XXYLT1: variants seen among roughly 807,000 people sequenced by gnomAD.
XXYLT1 encodes xyloside xylosyltransferase 1, also known as UDP-xylose:alpha-xyloside alpha-1,3-xylosyltransferase.
In XXYLT1, 20 loss-of-function variants were observed where a neutral mutation model predicts 28.9. That is an observed-to-expected ratio of 0.69 (90% CI 0.49 to 1.00). XXYLT1 has a LOEUF of 1.00. Ranked by LOEUF, XXYLT1 falls within the 50% of genes least tolerant of loss-of-function variation. The probability of loss-of-function intolerance (pLI) is 0.00; values close to 1 mark genes in which losing one functional copy is unlikely to be tolerated. For missense variants in XXYLT1, 542 were observed against 560.1 expected, an observed-to-expected ratio of 0.97 and a Z score of 0.33; for synonymous variants, 257 against 253.8, an observed-to-expected ratio of 1.01 and a Z score of -0.12.
intron 1 of XXYLT1, among the ~76,000 whole-genome samples, chr3:195,228,173 AATCACCACCTC>A (rs1302656762): frequency 2.6e-5 from 4 of 152,138 alleles, no homozygotes; most frequent in Non-Finnish European, 4.4e-5. Flanking sequence ...CTAGCTGCTC[AATCACCACCTC>A]ATCAACTCCG....
chr3:195,135,969 T>C (rs1294328934), intron 3 of XXYLT1, among the ~76,000 whole-genome samples: 1 of 152,102 alleles, frequency 6.6e-6, no homozygotes, highest in African/African-American at 2.4e-5. Context: ...GTGTAGAAGC[T>C]ATGAATGGCC....
Position 195,176,773 on chromosome 3 carries a change from AG to A in XXYLT1, c.653-20193del, listed in dbSNP as rs1350989029. On this transcript the variant is annotated intron_variant, in intron 2 of 3. Coordinates refer to ENST00000310380, the MANE Select transcript of XXYLT1 (RefSeq NM_152531.5). This position sits in a 1 kb window ranked among gnomAD's most constrained non-coding sequence, Gnocchi z 4.9. ...TGGGGTTGGAATTGACAATATGAAAAGCTCAGTAAGAAGACGCAAAAGTCAC... is the reference window on the plus strand; with the variant it reads ...TGGGGTTGGAATTGACAATATGAAAACTCAGTAAGAAGACGCAAAAGTCAC... Among the ~76,000 whole-genome samples, 1 of 152,216 alleles carries A rather than the reference AG, an allele frequency of 6.6e-6. No individual in the cohort carries two copies. Among genetic ancestry groups the A allele is most frequent in the East Asian group, 1.9e-4 (1 of 5,196 alleles).
chr3:195,155,264 GT>G lies in XXYLT1; in HGVS notation c.785+1184del, dbSNP rs1303041442. Among the ~76,000 whole-genome samples the G allele has an allele frequency of 2.0e-5, 3 of 152,180 alleles. No homozygotes were observed. The East Asian group carries it at 5.8e-4, about 29-fold the overall frequency. On this transcript the variant is annotated intron_variant, in intron 3 of 3. Coordinates refer to ENST00000310380, the MANE Select transcript of XXYLT1 (RefSeq NM_152531.5). ...GGAAACACAGGCTCTTGACTCACTA[GT>G]TGCCTGTACTCTGCAGCTCTCCAAC...
chr3:195,243,252 G>A (rs576036697), intron 1 of XXYLT1, among the ~76,000 whole-genome samples: 20 of 151,900 alleles, frequency 1.3e-4, no homozygotes, highest in Admixed American at 2.6e-4. Context: ...GGAGATACAC[G>A]TAATGTAAAT....
At position 195,224,164 on chromosome 3, in the gene XXYLT1, T is replaced by TA. The variant is rs138011303; in HGVS notation, c.652+2544dup. Reference sequence around the variant, plus strand: ...ACAAGAGCAAAACTCCGCCTAAAAATAAAAAAGAATTGCTGGAAGCACATT... The same window carrying TA: ...ACAAGAGCAAAACTCCGCCTAAAAATAAAAAAAGAATTGCTGGAAGCACATT... On this transcript the variant is annotated intron_variant, in intron 2 of 3. Transcript: ENST00000310380. Among the ~76,000 whole-genome samples, 816 of 151,982 alleles carry TA rather than the reference T, an allele frequency of 5.4e-3. 5 individuals are homozygous for TA. The highest frequency in any genetic ancestry group is 0.017 in the African/African-American group (719 of 41,464).
chr3:195,178,321 C>T (rs939052945), intron 2 of XXYLT1, among the ~76,000 whole-genome samples: 1 of 152,174 alleles, frequency 6.6e-6, no homozygotes, highest in African/African-American at 2.4e-5. Context: ...CATACAATCC[C>T]CAGACCAGTC....
At chr3:195,189,455 T>C (rs924376371) in intron 2 of XXYLT1, among the ~76,000 whole-genome samples, 4 of 152,126 alleles carry the variant, frequency 2.6e-5, no homozygotes, top group Non-Finnish European at 5.9e-5. Context: ...ATTTAAAAAA[T>C]AGGAAAGTGT....
In XXYLT1 at chr3:195,156,503, C is replaced by T. The variant is rs1409151826; in HGVS notation, c.731G>A (p.Ser244Asn). 1 of 1,614,120 alleles carries T rather than the reference C, an allele frequency of 6.2e-7. No individual in the cohort carries two copies. Among genetic ancestry groups the T allele is most frequent in the African/African-American group, 1.3e-5 (1 of 74,944 alleles). Residue 244 changes from serine (S) to asparagine (N), a missense_variant, in exon 3 of 4, where the codon AGT becomes AAT. Coordinates refer to ENST00000310380, the MANE Select transcript of XXYLT1 (RefSeq NM_152531.5). Reference protein sequence around the residue: ...NIRELFEEFDSFLPGAIIGIA... With the variant: ...NIRELFEEFDNFLPGAIIGIA... Reference sequence around the variant, plus strand: ...GCCGATGATGGCGCCTGGCAGGAAACTGTCAAATTCCTCAAACAACTCCCG... The same window carrying T: ...GCCGATGATGGCGCCTGGCAGGAAATTGTCAAATTCCTCAAACAACTCCCG...
In XXYLT1 at chr3:195,180,574, C is replaced by G; in HGVS notation, c.653-23993G>C. 1 of 984,686 alleles carries G rather than the reference C, an allele frequency of 1.0e-6. No individual in the cohort carries two copies. Among genetic ancestry groups the G allele is most frequent in the Non-Finnish European group, 1.2e-6 (1 of 829,254 alleles). The allele number at this position is 984,686 out of a possible 1,614,324, so 61.0% of individuals were successfully genotyped here. A position where few individuals can be genotyped will look rare whatever the true frequency, so the allele number is the denominator to read the frequency against. ...GCATCTGAGGCCAGACCCTAAGGCC[C>G]TTCCCAGCCCTCTCCAGAGCGTGAT... On this transcript the variant is annotated intron_variant, in intron 2 of 3. Coordinates refer to ENST00000310380, the MANE Select transcript of XXYLT1 (RefSeq NM_152531.5). The surrounding 1 kb of genome is among the most constrained non-coding windows in gnomAD (Gnocchi z 5.8).
Position 195,168,014 on chromosome 3 carries a change from G to GT in XXYLT1, c.653-11434dup, listed in dbSNP as rs1199098418. 6.6e-6 allele frequency among the ~76,000 whole-genome samples: 1 copy of GT among 152,102 alleles called. No homozygotes were observed. The highest frequency in any genetic ancestry group is 1.5e-5 in the Non-Finnish European group (1 of 68,018). On this transcript the variant is annotated intron_variant, in intron 2 of 3. Transcript: ENST00000310380. This position sits in a 1 kb window ranked among gnomAD's most constrained non-coding sequence, Gnocchi z 4.3. ...AGAACACCTTTTCTTTCCTCTATTT[G>GT]TTTTTTTAAACAACTGTTGACATGG...
intron 3 of XXYLT1, among the ~76,000 whole-genome samples, chr3:195,075,558 G>A (rs946604911): frequency 6.6e-6 from 1 of 152,208 alleles, no homozygotes; most frequent in African/African-American, 2.4e-5. Context: ...AGGCAGCACC[G>A]CTCAGACAAA....
Position 195,180,427 on chromosome 3 carries a change from T to C in XXYLT1, c.653-23846A>G, listed in dbSNP as rs1278160806. 1.0e-6 allele frequency: 1 copy of C among 985,676 alleles called. No individual in the cohort carries two copies. The highest frequency in any genetic ancestry group is 1.7e-5 in the African/African-American group (1 of 57,260). 61.1% of individuals were successfully genotyped at this position (985,676 alleles called of 1,614,324 possible). A position where few individuals can be genotyped will look rare whatever the true frequency, so the allele number is the denominator to read the frequency against. On this transcript the variant is annotated intron_variant, in intron 2 of 3. Coordinates refer to ENST00000310380, the MANE Select transcript of XXYLT1 (RefSeq NM_152531.5). This position sits in a 1 kb window ranked among gnomAD's most constrained non-coding sequence, Gnocchi z 5.8. ...GCAGCCTCGCCGATTCCCGAGCTGT[T>C]TCCTGCTGCTTTTCTCATTTCATGA...
intron 1 of XXYLT1, among the ~76,000 whole-genome samples, chr3:195,246,573 G>A (rs1725031653): frequency 6.6e-6 from 1 of 152,240 alleles, no homozygotes; most frequent in Non-Finnish European, 1.5e-5. Flanking sequence ...GCAAGACTCA[G>A]GGGAAAAATG....
At chr3:195,102,175 T>A (rs1027395453) in intron 3 of XXYLT1, among the ~76,000 whole-genome samples, 1 of 152,176 alleles carries the variant, frequency 6.6e-6, no homozygotes. Context: ...CTGAATTCTA[T>A]GTAAGATATA....
At chr3:195,211,543 G>A (rs578093565) in intron 2 of XXYLT1, among the ~76,000 whole-genome samples, 7 of 152,234 alleles carry the variant, frequency 4.6e-5, no homozygotes, top group East Asian at 1.9e-4. Flanking sequence ...TGTCTGTATC[G>A]CTCTGGGAAC....
chr3:195,221,967 T>C (rs1723845150), intron 2 of XXYLT1, among the ~76,000 whole-genome samples: 1 of 152,116 alleles, frequency 6.6e-6, no homozygotes, highest in South Asian at 2.1e-4. Context: ...AGCCAGCATG[T>C]CCCGCCTGGC....
intron 1 of XXYLT1, among the ~76,000 whole-genome samples, chr3:195,261,305 C>T (rs778545436): frequency 1.8e-4 from 27 of 152,258 alleles, no homozygotes; most frequent in Non-Finnish European, 3.2e-4. Flanking sequence ...CGGTGGCGCA[C>T]GCCTGTGTAA....
chr3:195,079,844 C>T (rs1015704553), intron 3 of XXYLT1, among the ~76,000 whole-genome samples: 1 of 152,050 alleles, frequency 6.6e-6, no homozygotes, highest in Admixed American at 6.6e-5. Context: ...GTAATACAAT[C>T]GGGAATGAAT....
intron 3 of XXYLT1, among the ~76,000 whole-genome samples, chr3:195,097,301 A>G (rs1450785691): frequency 6.6e-6 from 1 of 151,200 alleles, no homozygotes; most frequent in Non-Finnish European, 1.5e-5. Flanking sequence ...AATGCCAGTC[A>G]CCTTTTAAAC....
Sources: allele counts gnomAD v4.1 joint callset (sites outside exome capture counted in the v4.1 genomes callset), GRCh38; gene constraint gnomAD v4.1.1; non-coding constraint Gnocchi (gnomAD v3.1); transcripts MANE v1.5; gene names NCBI Gene and HGNC (gene_info 2026-07-23, HGNC 2026-07-21).